Variants in DBNL observed in about 807,000 individuals in gnomAD.
The protein encoded by DBNL is drebrin-like protein.
Under a neutral mutation model 62.2 loss-of-function variants are expected in DBNL, and 35 were observed. The ratio of observed to expected loss-of-function variants is 0.56; its 90% confidence interval spans 0.43 to 0.75. DBNL has a LOEUF of 0.75. DBNL is among the 30% of genes least tolerant of loss of function. DBNL has a pLI of 0.00. For missense variants in DBNL, 495 were observed against 578.4 expected, an observed-to-expected ratio of 0.86 and a Z score of 1.48; for synonymous variants, 197 against 218.0, an observed-to-expected ratio of 0.90 and a Z score of 0.85.
intron 4 of DBNL, among the ~76,000 whole-genome samples, chr7:44,055,220 G>C (rs6970419): frequency 0.3 from 45,067 of 151,926 alleles, 7,251 homozygotes; most frequent in African/African-American, 0.42. Flanking sequence ...AATCCCAGCA[G>C]TTTGGGAGGC....
In DBNL at chr7:44,067,587, T is replaced by C. The variant is rs561765657; in HGVS notation, c.*6671T>C. On this transcript the variant is annotated 3_prime_UTR_variant, in exon 13 of 13. Transcript: ENST00000448521. ...TCCGGCTTGACTTTCCTTTGATTCA[T>C]TTGACAAGTAGTTGCTGGCCTCTGC... is the stretch of plus-strand genomic sequence containing the variant. 1 of 152,244 alleles carries C rather than the reference T, an allele frequency of 6.6e-6. No individual in the cohort carries two copies. The highest frequency in any genetic ancestry group is 2.4e-5 in the African/African-American group (1 of 41,452). 9.4% of individuals were successfully genotyped at this position (152,244 alleles called of 1,614,324 possible).
intron 1 of DBNL, 47 bp downstream of exon 1, chr7:44,044,867 G>T: frequency 2.9e-6 from 4 of 1,392,792 alleles, no homozygotes; most frequent in Non-Finnish European, 3.7e-6. Context: ...TGCCTCAGGG[G>T]TGGGTCTGTC....
In DBNL at chr7:44,050,255, T is replaced by A. The variant is rs1245891633; in HGVS notation, c.114T>A (p.Asn38Lys). 6.2e-7 allele frequency: 1 copy of A among 1,613,784 alleles called. No homozygotes were observed. The highest frequency in any genetic ancestry group is 8.5e-7 in the Non-Finnish European group (1 of 1,179,746). Residue 38 changes from asparagine (N) to lysine (K), a missense_variant, in exon 2 of 13, where the codon AAT (asparagine) becomes AAA (lysine). By Grantham distance (94) the Asn-to-Lys change is moderately conservative (BLOSUM62 0). Transcript: ENST00000448521. ...TCTTTACCTATGAAGGCAACAGCAA[T>A]GACATCCGCGTGGCTGGCACAGGGG... is the stretch of plus-strand genomic sequence containing the variant. The part of the protein sequence containing the change: ...WALFTYEGNS[N>K]DIRVAGTGEG...
chr7:44,065,584 T>C lies in DBNL; in HGVS notation c.*4668T>C. The C allele has an allele frequency of 1.9e-6, 3 of 1,538,844 alleles. No individual in the cohort carries two copies. The South Asian group carries it at 3.3e-5, about 17-fold the overall frequency. On this transcript the variant is annotated 3_prime_UTR_variant, in exon 13 of 13. Transcript: ENST00000448521. ...GACGGGGACGGCTGCTTCCCAACAC[T>C]CCCAGCTTTATAATAGTGTCTTCCC...
At chr7:44,056,113 A>G (rs2096135783) in intron 4 of DBNL, among the ~76,000 whole-genome samples, 1 of 152,056 alleles carries the variant, frequency 6.6e-6, no homozygotes, top group African/African-American at 2.4e-5. Context: ...ATGAAGATTT[A>G]GTTTCATTCT....
chr7:44,059,682 G>A lies in DBNL; in HGVS notation c.1047+24G>A, dbSNP rs1275047763. 1.3e-6 allele frequency: 2 copies of A among 1,571,480 alleles called. No homozygotes were observed. Among genetic ancestry groups the A allele is most frequent in the Non-Finnish European group, 1.7e-6 (2 of 1,163,652 alleles). On this transcript the variant is annotated intron_variant, in intron 11 of 12. Transcript: ENST00000448521. This position sits in a 1 kb window ranked among gnomAD's most constrained non-coding sequence, Gnocchi z 4.1. ...TGGTGGGTTCCTACACTGGGGCTGGGGCCAGGAAGGGGCTGCATACTCAGG... is the reference window on the plus strand; with the variant it reads ...TGGTGGGTTCCTACACTGGGGCTGGAGCCAGGAAGGGGCTGCATACTCAGG...
At position 44,051,955 on chromosome 7, in the gene DBNL, T is replaced by C; in HGVS notation, c.252+13T>C. 1 of 1,610,982 alleles carries C rather than the reference T, an allele frequency of 6.2e-7. No homozygotes were observed. Among genetic ancestry groups the C allele is most frequent in the Admixed American group, 1.7e-5 (1 of 59,970 alleles). ...CCTCATCAACTGGGTATGTGGAGCC[T>C]GTTTCATCTAGGTGTGACCCAGGAA... On this transcript the variant is annotated intron_variant, in intron 3 of 12. Transcript: ENST00000448521.
At position 44,063,025 on chromosome 7, in the gene DBNL, C is replaced by T. The variant is rs956937763; in HGVS notation, c.*2109C>T. 6.1e-6 allele frequency: 8 copies of T among 1,318,646 alleles called. No homozygotes were observed. Among genetic ancestry groups the T allele is most frequent in the South Asian group, 1.2e-5 (1 of 83,836 alleles). The allele number at this position is 1,318,646 out of a possible 1,614,324, so 81.7% of individuals were successfully genotyped here. On this transcript the variant is annotated 3_prime_UTR_variant, in exon 13 of 13. Transcript: ENST00000448521. The stretch of plus-strand genomic sequence containing the variant: ...ACCTTTATGGTCCACAGAGCCAGTT[C>T]CCCTGGCACCAATTCCTTCCCAGCC...
rs560899906 is a variant in DBNL, at chr7:44,063,247, G to A, written c.*2331G>A. On this transcript the variant is annotated 3_prime_UTR_variant, in exon 13 of 13. Transcript: ENST00000448521. Reference sequence around the variant, plus strand: ...CCAGACTGAAGTTGAGGGTCAGGAAGGGACACTCACCCTTTGTTTTTTTTT... The same window carrying A: ...CCAGACTGAAGTTGAGGGTCAGGAAAGGACACTCACCCTTTGTTTTTTTTT... 3.0e-5 allele frequency: 13 copies of A among 440,272 alleles called. No homozygotes were observed. The highest frequency in any genetic ancestry group is 1.8e-4 in the Admixed American group (5 of 27,406). The allele number at this position is 440,272 out of a possible 1,614,324, so 27.3% of individuals were successfully genotyped here.
chr7:44,057,105 G>T (rs2128793071), intron 5 of DBNL, among the ~76,000 whole-genome samples: 1 of 152,374 alleles, frequency 6.6e-6, no homozygotes, highest in South Asian at 2.1e-4. Context: ...GGTTGGACTA[G>T]CTGTTCTGGA....
At position 44,062,712 on chromosome 7, in the gene DBNL, C is replaced by T. The variant is rs1001231252; in HGVS notation, c.*1796C>T. The T allele has an allele frequency of 1.3e-5, 20 of 1,594,038 alleles. No homozygotes were observed. The highest frequency in any genetic ancestry group is 2.0e-4 in the Middle Eastern group (1 of 5,048). The stretch of plus-strand genomic sequence containing the variant: ...GGTGTGAGCCTGGCATGCACGGCTG[C>T]GCTGGACTCCAGGCTGTTGGGGGAG... On this transcript the variant is annotated 3_prime_UTR_variant, in exon 13 of 13. Transcript: ENST00000448521.
chr7:44,051,444 C>T, intron 2 of DBNL: 1 of 187,044 alleles, frequency 5.3e-6, no homozygotes, highest in South Asian at 8.8e-5. Context: ...GGCCCTTTTG[C>T]AACGTTGTGG....
chr7:44,062,596 G>C lies in DBNL; in HGVS notation c.*1680G>C, dbSNP rs931938768. The C allele has an allele frequency of 2.2e-5, 15 of 679,642 alleles. No individual in the cohort carries two copies. Among genetic ancestry groups the C allele is most frequent in the Admixed American group, 1.6e-4 (7 of 44,640 alleles). The allele number at this position is 679,642 out of a possible 1,614,324, so 42.1% of individuals were successfully genotyped here. ...TCAGTGTCCTGATGACTAGGTGTGG[G>C]TACTAGGCTCCTGCCCCTGGTGACA... On this transcript the variant is annotated 3_prime_UTR_variant, in exon 13 of 13. Coordinates refer to ENST00000448521, the MANE Select transcript of DBNL (RefSeq NM_001014436.3).
intron 1 of DBNL, 186 bp from the exon 2 acceptor site, chr7:44,050,039 G>C: frequency 3.5e-6 from 2 of 569,008 alleles, no homozygotes; most frequent in Non-Finnish European, 6.5e-6. Flanking sequence ...AGCTGAGAAG[G>C]CTGCACAGTT....
At chr7:44,057,334 G>C (rs2128793169) in intron 5 of DBNL, among the ~76,000 whole-genome samples, 1 of 152,208 alleles carries the variant, frequency 6.6e-6, no homozygotes, top group Middle Eastern at 3.4e-3. Context: ...TGTGGCCCCA[G>C]TGCTGTGTGG....
Position 44,063,028 on chromosome 7 carries a change from C to G in DBNL, c.*2112C>G, listed in dbSNP as rs1234239378. On this transcript the variant is annotated 3_prime_UTR_variant, in exon 13 of 13. Transcript: ENST00000448521. ...TTTATGGTCCACAGAGCCAGTTCCC[C>G]TGGCACCAATTCCTTCCCAGCCCTG... 2.3e-6 allele frequency: 3 copies of G among 1,317,224 alleles called. No homozygotes were observed. Among genetic ancestry groups the G allele is most frequent in the Non-Finnish European group, 3.3e-6 (3 of 914,064 alleles). 81.6% of individuals were successfully genotyped at this position (1,317,224 alleles called of 1,614,324 possible).
At chr7:44,053,793 C>G (rs2096130741) in intron 4 of DBNL, among the ~76,000 whole-genome samples, 1 of 151,878 alleles carries the variant, frequency 6.6e-6, no homozygotes, top group African/African-American at 2.4e-5. Flanking sequence ...TCTTCTGCCT[C>G]AGCCTCCCGA....
chr7:44,060,969 G>C lies in DBNL; in HGVS notation c.*53G>C. On this transcript the variant is annotated 3_prime_UTR_variant, in exon 13 of 13. Coordinates refer to ENST00000448521, the MANE Select transcript of DBNL (RefSeq NM_001014436.3). The surrounding 1 kb of genome is among the most constrained non-coding windows in gnomAD (Gnocchi z 6.3). ...TCTCAGACATGGCTTCCTTATTGCT[G>C]GAAGAGGAGGCCTGGGAGTTGACAT... The C allele has an allele frequency of 6.3e-7, 1 of 1,587,928 alleles. No individual in the cohort carries two copies.
intron 1 of DBNL, 135 bp downstream of exon 1, chr7:44,044,955 T>G: frequency 1.3e-6 from 1 of 767,830 alleles, no homozygotes; most frequent in Non-Finnish European, 1.9e-6. Context: ...GGGGCTTACC[T>G]GTCTGCCCCT....
Sources: gnomAD v4.1 joint callset for allele counts (sites outside exome capture counted in the v4.1 genomes callset) on GRCh38, gnomAD v4.1.1 for gene constraint, Gnocchi (gnomAD v3.1) non-coding constraint, MANE v1.5 for transcripts, NCBI Gene and HGNC (gene_info 2026-07-23, HGNC 2026-07-21) for gene names.